The following PTPRT variants were observed in gnomAD, a reference collection of about 807,000 sequenced individuals.
The protein encoded by PTPRT is receptor-type tyrosine-protein phosphatase T.
PTPRT carries 56 observed loss-of-function variants against 176.8 expected under a neutral mutation model. The ratio of observed to expected loss-of-function variants is 0.32; its 90% confidence interval spans 0.26 to 0.40. PTPRT has a LOEUF of 0.40. PTPRT is among the 10% of genes least tolerant of loss of function. PTPRT has a pLI of 1.00. For synonymous variants in PTPRT, 783 were observed against 739.0 expected (o/e 1.06, Z -0.96); for missense variants, 1,540 against 1,908.2 (o/e 0.81, Z 3.60).
intron 16 of PTPRT, among the ~76,000 whole-genome samples, chr20:42,170,686 G>A (rs1387199812): frequency 6.6e-6 from 1 of 152,176 alleles, no homozygotes; most frequent in Admixed American, 6.5e-5. Context: ...ATCTGCTCAT[G>A]TGTGTTCATG....
intron 6 of PTPRT, among the ~76,000 whole-genome samples, chr20:42,710,307 A>T (rs34769968): frequency 6.6e-6 from 1 of 152,190 alleles, no homozygotes; most frequent in South Asian, 2.1e-4. Context: ...GATCCTCAGT[A>T]CAGCCCCTCC....
chr20:42,878,490 A>G (rs1183694766), intron 2 of PTPRT, among the ~76,000 whole-genome samples: 2 of 152,160 alleles, frequency 1.3e-5, no homozygotes, highest in African/African-American at 4.8e-5. Flanking sequence ...TTAGTTGACA[A>G]CAGTACCATG....
chr20:42,217,214 A>T (rs956289879), intron 15 of PTPRT, among the ~76,000 whole-genome samples: 1 of 152,064 alleles, frequency 6.6e-6, no homozygotes, highest in African/African-American at 2.4e-5. Context: ...TCTCTACTAA[A>T]ATACAAAAAT....
chr20:42,474,855 C>T (rs2071262428), intron 7 of PTPRT, among the ~76,000 whole-genome samples: 1 of 152,230 alleles, frequency 6.6e-6, no homozygotes. Context: ...AGAGCCACTG[C>T]CCCTGCTCAG....
At chr20:43,019,032 T>C (rs1985513782) in intron 1 of PTPRT, among the ~76,000 whole-genome samples, 1 of 152,190 alleles carries the variant, frequency 6.6e-6, no homozygotes, top group Admixed American at 6.5e-5. Flanking sequence ...CACAACATTG[T>C]TTGAAAAAAA....
chr20:43,012,734 G>T (rs1985190153), intron 1 of PTPRT, among the ~76,000 whole-genome samples: 1 of 152,084 alleles, frequency 6.6e-6, no homozygotes, highest in South Asian at 2.1e-4. Context: ...GCCCTGGGGA[G>T]TTGGCTCCTT....
intron 1 of PTPRT, among the ~76,000 whole-genome samples, chr20:42,941,288 T>G (rs1980536058): frequency 6.6e-6 from 1 of 152,122 alleles, no homozygotes. Flanking sequence ...AAGATGGTGA[T>G]TCAAAGGATT....
intron 7 of PTPRT, among the ~76,000 whole-genome samples, chr20:42,593,827 C>T (rs1008561787): frequency 1.3e-5 from 2 of 152,080 alleles, no homozygotes; most frequent in East Asian, 3.9e-4. Flanking sequence ...TTTTTTAAAC[C>T]TTGAATAAAT....
intron 1 of PTPRT, among the ~76,000 whole-genome samples, chr20:43,035,148 C>G (rs188562578): frequency 1.1e-4 from 16 of 152,110 alleles, no homozygotes; most frequent in Non-Finnish European, 2.1e-4. Context: ...ACAGGCCCCT[C>G]GTAGTGCCCC....
intron 9 of PTPRT, among the ~76,000 whole-genome samples, chr20:42,378,334 C>T (rs56865238): frequency 0.14 from 21,769 of 152,182 alleles, 1,740 homozygotes; most frequent in East Asian, 0.21. Context: ...GATCACACCT[C>T]TCTTCTTGGC....
intron 1 of PTPRT, among the ~76,000 whole-genome samples, chr20:43,034,215 G>T (rs1041786808): frequency 6.6e-6 from 1 of 152,202 alleles, no homozygotes; most frequent in Non-Finnish European, 1.5e-5. Context: ...CAGGCAGCCA[G>T]GTCACAATAG....
At chr20:42,086,749 A>T (rs2866944) in intron 27 of PTPRT, among the ~76,000 whole-genome samples, 49,916 of 75,000 alleles carry the variant, frequency 0.67, 15,613 homozygotes, top group Middle Eastern at 0.74. Flanking sequence ...AAAAAAAAAA[A>T]AAAAATATAT....
chr20:42,997,105 GA>G, intron 1 of PTPRT, among the ~76,000 whole-genome samples: 1 of 152,106 alleles, frequency 6.6e-6, no homozygotes, highest in East Asian at 1.9e-4. Flanking sequence ...AAAGGAGCGG[GA>G]AAAAAATCTA....
chr20:42,869,024 G>A (rs188216580), intron 2 of PTPRT, among the ~76,000 whole-genome samples: 1 of 152,312 alleles, frequency 6.6e-6, no homozygotes, highest in Admixed American at 6.5e-5. Context: ...TGACCCTGCA[G>A]GTGTGCAGAG....
At chr20:42,219,427 T>C (rs1270399624) in intron 15 of PTPRT, among the ~76,000 whole-genome samples, 1 of 152,072 alleles carries the variant, frequency 6.6e-6, no homozygotes, top group Non-Finnish European at 1.5e-5. Flanking sequence ...GAAGCCTGAC[T>C]CCCCCTGCGC....
chr20:42,529,159 G>T (rs1177203988), intron 7 of PTPRT, among the ~76,000 whole-genome samples: 5 of 152,166 alleles, frequency 3.3e-5, no homozygotes, highest in Admixed American at 6.5e-5. Context: ...TCACCTATAA[G>T]ATGTCACGCA....
At chr20:42,648,177 C>T (rs1468879026) in intron 7 of PTPRT, among the ~76,000 whole-genome samples, 1 of 152,080 alleles carries the variant, frequency 6.6e-6, no homozygotes, top group African/African-American at 2.4e-5. Flanking sequence ...TATTGGCTGT[C>T]ATATTGAAGA....
At chr20:42,337,107 T>G (rs1447239960) in intron 11 of PTPRT, among the ~76,000 whole-genome samples, 1 of 152,146 alleles carries the variant, frequency 6.6e-6, no homozygotes, top group African/African-American at 2.4e-5. Flanking sequence ...GAAGAATGCA[T>G]ACTCACAATT....
chr20:42,108,252 A>G (rs909434925), intron 23 of PTPRT, among the ~76,000 whole-genome samples: 2 of 18,972 alleles, frequency 1.1e-4, no homozygotes, highest in African/African-American at 6.3e-4. Flanking sequence ...AGCTGTGTTT[A>G]TTTCATTTCA....
Sources: gnomAD v4.1 joint callset for allele counts (sites outside exome capture counted in the v4.1 genomes callset) on GRCh38, gnomAD v4.1.1 for gene constraint, MANE v1.5 for transcripts, NCBI Gene and HGNC (gene_info 2026-07-23, HGNC 2026-07-21) for gene names.